Variants in TLL2 observed in about 807,000 individuals in gnomAD.
The protein encoded by TLL2 is tolloid-like protein 2.
In TLL2, 106 loss-of-function variants were observed where a neutral mutation model predicts 123.0. That is an observed-to-expected ratio of 0.86 (90% confidence interval 0.74 to 1.01). The LOEUF (loss-of-function observed/expected upper bound fraction) is 1.01. Among genes scored for constraint, TLL2 ranks in the 50% least tolerant of loss-of-function variants. The pLI is 0.00. For synonymous variants in TLL2, 494 were observed against 516.8 expected (o/e 0.96, Z 0.60); for missense variants, 1,332 against 1,336.7 (o/e 1.00, Z 0.06).
chr10:96,399,405 C>T (rs1316444216), intron 10 of TLL2, among the ~76,000 whole-genome samples: 1 of 152,146 alleles, frequency 6.6e-6, no homozygotes, highest in Non-Finnish European at 1.5e-5. Flanking sequence ...GTAAAGGCCA[C>T]TGTAGGCATC....
At chr10:96,400,357 C>CA (rs55975748) in intron 10 of TLL2, among the ~76,000 whole-genome samples, 55 of 109,866 alleles carry the variant, frequency 5.0e-4, no homozygotes, top group African/African-American at 1.4e-3. Context: ...CTACTACCAT[C>CA]AAAAAAAAAA....
chr10:96,420,372 C>A (rs1176535655), intron 7 of TLL2, among the ~76,000 whole-genome samples: 2 of 152,228 alleles, frequency 1.3e-5, no homozygotes, highest in Non-Finnish European at 2.9e-5. Flanking sequence ...CCTGCCCATG[C>A]CAGCCATAAA....
intron 17 of TLL2, among the ~76,000 whole-genome samples, chr10:96,377,031 G>A (rs1216507049): frequency 1.3e-5 from 2 of 152,198 alleles, no homozygotes; most frequent in Non-Finnish European, 2.9e-5. Context: ...CTGTGGCTCG[G>A]GGGCCAGGCT....
intron 2 of TLL2, among the ~76,000 whole-genome samples, chr10:96,463,289 G>T (rs1847097861): frequency 1.3e-5 from 2 of 152,140 alleles, no homozygotes; most frequent in African/African-American, 2.4e-5. Context: ...GAAAGCAAAC[G>T]AACGCAGCAA....
chr10:96,441,018 A>G (rs1338181553), intron 3 of TLL2, among the ~76,000 whole-genome samples: 1 of 152,012 alleles, frequency 6.6e-6, no homozygotes, highest in African/African-American at 2.4e-5. Flanking sequence ...ACAGGATTTA[A>G]CACGCTGGGG....
At position 96,413,116 on chromosome 10, in the gene TLL2, A is replaced by G. The variant is rs1183336815; in HGVS notation, c.1048+76T>C. 10 of 1,579,260 alleles carry G rather than the reference A, an allele frequency of 6.3e-6. No homozygotes were observed. The Admixed American group carries it at 1.0e-4, about 16-fold the overall frequency. ...AGGAATAGTCCCTTTAGGTCCCCCA[A>G]GTTGTTTTCCCAGCATAGGGACTGT... On this transcript the variant is annotated intron_variant, in intron 8 of 20. Coordinates refer to ENST00000357947, the MANE Select transcript of TLL2 (RefSeq NM_012465.4).
chr10:96,439,389 CTT>C (rs1342810476), intron 3 of TLL2, among the ~76,000 whole-genome samples: 3 of 151,860 alleles, frequency 2.0e-5, no homozygotes, highest in Non-Finnish European at 4.4e-5. Flanking sequence ...GTGTCTAAAA[CTT>C]TTCAATAAAC....
intron 5 of TLL2, among the ~76,000 whole-genome samples, chr10:96,426,749 T>C (rs1846681220): frequency 6.6e-6 from 1 of 151,782 alleles, no homozygotes; most frequent in South Asian, 2.1e-4. Flanking sequence ...TATTTCTATG[T>C]AATCATATTT....
intron 20 of TLL2, among the ~76,000 whole-genome samples, 180 bp from the exon 21 acceptor site, chr10:96,368,402 C>T (rs1301075128): frequency 6.6e-6 from 1 of 152,200 alleles, no homozygotes; most frequent in Non-Finnish European, 1.5e-5. Flanking sequence ...CTCCAGGGAG[C>T]TTTGCAGGCC....
rs60767022 is a variant in TLL2 at position 96,435,938 on chromosome 10, T to G, written c.365-2976A>C. Among the ~76,000 whole-genome samples the G allele has an allele frequency of 4.8e-3, 727 of 152,370 alleles. 3 individuals are homozygous for G. The highest frequency in any genetic ancestry group is 0.017 in the African/African-American group (688 of 41,588). On this transcript the variant is annotated intron_variant, in intron 3 of 20. Transcript: ENST00000357947. The stretch of plus-strand genomic sequence containing the variant: ...ATATTGATACATTCTTTAAGTTCCA[T>G]TTAGACTTTCTTCTTTGACCTCTGA...
At chr10:96,389,299 C>T (rs1400998390) in intron 13 of TLL2, among the ~76,000 whole-genome samples, 6 of 152,084 alleles carry the variant, frequency 3.9e-5, no homozygotes, top group East Asian at 1.9e-4. Flanking sequence ...GTGAAGTACC[C>T]GGCATACAGA....
At chr10:96,427,522 G>A (rs1360975128) in intron 5 of TLL2, among the ~76,000 whole-genome samples, 1 of 152,188 alleles carries the variant, frequency 6.6e-6, no homozygotes, top group African/African-American at 2.4e-5. Context: ...GGTGCATGAA[G>A]ACTTATGACA....
At chr10:96,500,860 G>A (rs148838424) in intron 1 of TLL2, among the ~76,000 whole-genome samples, 1 of 152,124 alleles carries the variant, frequency 6.6e-6, no homozygotes, top group Non-Finnish European at 1.5e-5. Flanking sequence ...CCAACAATAG[G>A]AGATTGCTTA....
chr10:96,409,991 G>T (rs544954445), intron 9 of TLL2, among the ~76,000 whole-genome samples: 6 of 152,332 alleles, frequency 3.9e-5, no homozygotes, highest in African/African-American at 1.4e-4. Flanking sequence ...TGAGACGGAG[G>T]CTGGGGGGAA....
Position 96,465,846 on chromosome 10 carries a change from C to G in TLL2, c.286+14503G>C, listed in dbSNP as rs142023811. On this transcript the variant is annotated intron_variant, in intron 2 of 20. Transcript: ENST00000357947. ...CCTGTTGTTACGCAACTCTGTTGAT[C>G]GTTGCCATGTGGGATTACTGGACCG... 2.2e-4 allele frequency among the ~76,000 whole-genome samples: 33 copies of G among 152,310 alleles called. No homozygotes were observed. The East Asian group carries it at 5.6e-3, about 26-fold the overall frequency.
chr10:96,432,748 C>G, intron 4 of TLL2, 59 bp downstream of exon 4: 1 of 1,580,574 alleles, frequency 6.3e-7, no homozygotes, highest in Non-Finnish European at 8.6e-7. Flanking sequence ...GAAGGACTCT[C>G]TCAACCCAGG....
At chr10:96,385,624 G>A (rs2134057713) in intron 15 of TLL2, among the ~76,000 whole-genome samples, 1 of 152,270 alleles carries the variant, frequency 6.6e-6, no homozygotes, top group South Asian at 2.1e-4. Context: ...TCCAGCTGTA[G>A]GGTGCTGCCT....
chr10:96,415,243 C>A (rs1846542397), intron 7 of TLL2, among the ~76,000 whole-genome samples: 1 of 152,218 alleles, frequency 6.6e-6, no homozygotes, highest in Non-Finnish European at 1.5e-5. Context: ...CAACACTGAG[C>A]TCCTTGTAGG....
At chr10:96,388,210 T>C (rs1035721706) in intron 13 of TLL2, among the ~76,000 whole-genome samples, 1 of 152,142 alleles carries the variant, frequency 6.6e-6, no homozygotes, top group Non-Finnish European at 1.5e-5. Context: ...GAGACCAGCC[T>C]GGGCAACATG....
Sources: allele counts gnomAD v4.1 joint callset (sites outside exome capture counted in the v4.1 genomes callset), GRCh38; gene constraint gnomAD v4.1.1; transcripts MANE v1.5; gene names NCBI Gene and HGNC (gene_info 2026-07-23, HGNC 2026-07-21).